The following SLC35F2 variants were observed in gnomAD, a reference collection of about 807,000 sequenced individuals.
SLC35F2 encodes the protein queuine/queuosine transporter SLC35F2.
A neutral mutation model predicts 38.1 loss-of-function variants in SLC35F2; 25 were observed. That is an observed-to-expected ratio of 0.66 (90% confidence interval 0.48 to 0.92). SLC35F2 has a LOEUF of 0.92. Ranked by LOEUF, SLC35F2 falls within the 40% of genes least tolerant of loss-of-function variation. The probability of loss-of-function intolerance (pLI) is 0.00; values close to 1 mark genes in which losing one functional copy is unlikely to be tolerated. For missense variants in SLC35F2, 409 were observed against 452.9 expected (o/e 0.90, Z 0.88); for synonymous variants, 173 against 181.7 (o/e 0.95, Z 0.38).
intron 1 of SLC35F2, among the ~76,000 whole-genome samples, chr11:107,855,506 G>A (rs1420728112): frequency 3.3e-5 from 5 of 151,998 alleles, no homozygotes; most frequent in African/African-American, 1.2e-4. Context: ...TACAAAATTA[G>A]CCAGGTGTGG....
chr11:107,843,379 C>T (rs1248160005), intron 1 of SLC35F2, among the ~76,000 whole-genome samples: 1 of 151,560 alleles, frequency 6.6e-6, no homozygotes, highest in Non-Finnish European at 1.5e-5. Context: ...ACCAGACTGA[C>T]CAACATGGAG....
At chr11:107,798,472 G>T (rs1398115529) in intron 7 of SLC35F2, among the ~76,000 whole-genome samples, 1 of 152,168 alleles carries the variant, frequency 6.6e-6, no homozygotes, top group African/African-American at 2.4e-5. Context: ...GTGATTAAAT[G>T]GAGTCACTTT....
intron 1 of SLC35F2, among the ~76,000 whole-genome samples, chr11:107,844,481 C>T (rs1419482762): frequency 2.0e-5 from 3 of 150,906 alleles, no homozygotes; most frequent in African/African-American, 4.9e-5. Flanking sequence ...AAAAATTAGC[C>T]GGGCCTGGTG....
Position 107,843,466 on chromosome 11 carries a change from C to T in SLC35F2, c.110+15192G>A, listed in dbSNP as rs561397542. Among the ~76,000 whole-genome samples the T allele has an allele frequency of 9.2e-4, 139 of 151,862 alleles. No homozygotes were observed. The Middle Eastern group carries it at 0.014, about 15-fold the overall frequency. ...TCGGGAGGCGGAGGCAGGAGAATCG[C>T]TTGAACCCAAGAGGTGGAGATTACA... On this transcript the variant is annotated intron_variant, in intron 1 of 7. Coordinates refer to ENST00000525815, the MANE Select transcript of SLC35F2 (RefSeq NM_017515.5).
At chr11:107,810,184 T>C (rs1859460661) in intron 3 of SLC35F2, 4 of 985,344 alleles carry the variant, frequency 4.1e-6, no homozygotes, top group Non-Finnish European at 3.6e-6. Flanking sequence ...CCTTGTTAGA[T>C]GCCTTTTTTA....
intron 1 of SLC35F2, chr11:107,816,267 C>CATGTGTGT: frequency 2.1e-6 from 2 of 953,656 alleles, no homozygotes; most frequent in African/African-American, 1.8e-5. Flanking sequence ...AAAGTGCGCA[C>CATGTGTGT]GTGTGTGTGT....
intron 2 of SLC35F2, 78 bp from the exon 3 acceptor site, chr11:107,811,872 GAAGC>G: frequency 7.7e-7 from 1 of 1,301,304 alleles, no homozygotes; most frequent in Non-Finnish European, 1.1e-6. Context: ...TAAAAGAGTA[GAAGC>G]AAGAGTTTCT....
chr11:107,819,588 G>A (rs73001557), intron 1 of SLC35F2, among the ~76,000 whole-genome samples: 11,803 of 152,228 alleles, frequency 0.078, 624 homozygotes, highest in African/African-American at 0.15. Context: ...CCCTATCCTA[G>A]ACAAAGGAAA....
chr11:107,807,957 C>A (rs1246865905), intron 3 of SLC35F2, among the ~76,000 whole-genome samples: 2 of 152,202 alleles, frequency 1.3e-5, no homozygotes, highest in Admixed American at 1.3e-4. Flanking sequence ...TTGTTAAACA[C>A]CTTGCATGTG....
intron 4 of SLC35F2, 158 bp from the exon 5 acceptor site, chr11:107,805,673 T>C (rs939000155): frequency 1.9e-5 from 18 of 955,022 alleles, no homozygotes; most frequent in Non-Finnish European, 7.5e-6. Context: ...TGTGTGTGTA[T>C]GTGTGTGTGT....
Position 107,806,881 on chromosome 11 carries a change from A to G in SLC35F2, c.415-5T>C, listed in dbSNP as rs1029431658. 6.2e-7 allele frequency: 1 copy of G among 1,612,478 alleles called. No individual in the cohort carries two copies. The highest frequency in any genetic ancestry group is 8.5e-7 in the Non-Finnish European group (1 of 1,178,958). On this transcript the variant is annotated splice_region_variant and splice_polypyrimidine_tract_variant and intron_variant, in intron 3 of 7. Coordinates refer to ENST00000525815, the MANE Select transcript of SLC35F2 (RefSeq NM_017515.5). Reference sequence around the variant, plus strand: ...AATCCCAAAGCAATCCAAAAGCTGCATGGAAAGAGAATCAACAGTTTAAAA... The same window carrying G: ...AATCCCAAAGCAATCCAAAAGCTGCGTGGAAAGAGAATCAACAGTTTAAAA...
At chr11:107,803,614 A>G (rs1859349061) in intron 6 of SLC35F2, 1 of 551,104 alleles carries the variant, frequency 1.8e-6, no homozygotes, top group Admixed American at 6.4e-5. Flanking sequence ...GACATCAAAG[A>G]CAGTTATTAG....
intron 1 of SLC35F2, among the ~76,000 whole-genome samples, chr11:107,841,694 G>A (rs531018676): frequency 1.8e-3 from 279 of 152,124 alleles, no homozygotes; most frequent in African/African-American, 6.1e-3. Flanking sequence ...AAGCCTGGCC[G>A]GGCGCAGTGG....
At chr11:107,809,142 C>T (rs943171991) in intron 3 of SLC35F2, among the ~76,000 whole-genome samples, 34 of 152,058 alleles carry the variant, frequency 2.2e-4, no homozygotes, top group African/African-American at 8.0e-4. Context: ...TCCATGACTT[C>T]TCATCTGATA....
chr11:107,791,372 A>C lies in SLC35F2; in HGVS notation c.*1243T>G, dbSNP rs1209290091. ...GACTTAGTTTCTTGAGCTGATGCTAAATAAAATGAGATCAATAGGAATATT... is the reference window on the plus strand; with the variant it reads ...GACTTAGTTTCTTGAGCTGATGCTACATAAAATGAGATCAATAGGAATATT... On this transcript the variant is annotated 3_prime_UTR_variant, in exon 8 of 8. Transcript: ENST00000525815. 3.3e-5 allele frequency: 5 copies of C among 152,224 alleles called. No individual in the cohort carries two copies. Among genetic ancestry groups the C allele is most frequent in the Non-Finnish European group, 2.9e-5 (2 of 68,040 alleles). The allele number at this position is 152,224 out of a possible 1,614,324, so 9.4% of individuals were successfully genotyped here.
At chr11:107,857,979 A>T (rs543322376) in intron 1 of SLC35F2, among the ~76,000 whole-genome samples, 4 of 152,206 alleles carry the variant, frequency 2.6e-5, no homozygotes, top group African/African-American at 9.6e-5. Flanking sequence ...TCTCATTTCC[A>T]GAGTGCAAGT....
At chr11:107,829,231 C>A (rs1017135834) in intron 1 of SLC35F2, among the ~76,000 whole-genome samples, 5 of 151,868 alleles carry the variant, frequency 3.3e-5, no homozygotes, top group African/African-American at 1.2e-4. Flanking sequence ...CCAGCCTGGT[C>A]AACATGGTGA....
intron 1 of SLC35F2, among the ~76,000 whole-genome samples, chr11:107,852,150 G>T (rs867020658): frequency 6.6e-6 from 1 of 152,200 alleles, no homozygotes; most frequent in Non-Finnish European, 1.5e-5. Flanking sequence ...AGGCGTGGTG[G>T]CTCAGGCCTG....
chr11:107,852,008 C>T (rs1235860548), intron 1 of SLC35F2, among the ~76,000 whole-genome samples: 1 of 152,138 alleles, frequency 6.6e-6, no homozygotes, highest in Non-Finnish European at 1.5e-5. Flanking sequence ...CACAGTTAAG[C>T]ACAACTAAAT....
Sources: gnomAD v4.1 joint callset for allele counts (sites outside exome capture counted in the v4.1 genomes callset) on GRCh38, gnomAD v4.1.1 for gene constraint, MANE v1.5 for transcripts, NCBI Gene and HGNC (gene_info 2026-07-23, HGNC 2026-07-21) for gene names.